GRM3: variants seen among roughly 807,000 people sequenced by gnomAD.
The protein encoded by GRM3 is glutamate metabotropic receptor 3.
In GRM3, 26 loss-of-function variants were observed where a neutral mutation model predicts 70.5. That is an observed-to-expected ratio of 0.37 (90% CI 0.27 to 0.51). The LOEUF (loss-of-function observed/expected upper bound fraction) is 0.51, where lower values mean the gene tolerates loss of function less well. Ranked by LOEUF, GRM3 falls within the 20% of genes least tolerant of loss-of-function variation. The pLI is 0.93. For missense variants in GRM3, 859 were observed against 1,123.8 expected (o/e 0.76, Z 3.37); for synonymous variants, 443 against 434.9 (o/e 1.02, Z -0.23).
intron 1 of GRM3, among the ~76,000 whole-genome samples, chr7:86,672,315 C>G (rs1172485066): frequency 6.6e-6 from 1 of 152,068 alleles, no homozygotes; most frequent in Non-Finnish European, 1.5e-5. Flanking sequence ...CAGATACTGC[C>G]TTGGCCCCTC....
chr7:86,832,540 T>C (rs2116718389), intron 3 of GRM3, among the ~76,000 whole-genome samples: 1 of 152,232 alleles, frequency 6.6e-6, no homozygotes, highest in South Asian at 2.1e-4. Flanking sequence ...AGTCAGCCAC[T>C]GCGCCCGGCC....
chr7:86,654,225 C>T (rs1209234226), intron 1 of GRM3, among the ~76,000 whole-genome samples: 4 of 152,098 alleles, frequency 2.6e-5, no homozygotes, highest in African/African-American at 4.8e-5. Context: ...GCTTTACCTC[C>T]CAGGGGTTTT....
At chr7:86,836,592 A>T (rs1247200301) in intron 3 of GRM3, among the ~76,000 whole-genome samples, 1 of 152,166 alleles carries the variant, frequency 6.6e-6, no homozygotes, top group African/African-American at 2.4e-5. Flanking sequence ...TGAGGTTTGG[A>T]TAAAGCAGTA....
intron 1 of GRM3, among the ~76,000 whole-genome samples, chr7:86,710,573 T>TG (rs1354868801): frequency 1.4e-4 from 1 of 7,248 alleles, no homozygotes; most frequent in Non-Finnish European, 2.9e-4. Context: ...TGGTGGGGGG[T>TG]GGGGGGAGGG....
chr7:86,834,384 A>G (rs961148973), intron 3 of GRM3, among the ~76,000 whole-genome samples: 2 of 151,872 alleles, frequency 1.3e-5, no homozygotes, highest in African/African-American at 2.4e-5. Flanking sequence ...AAACTTTGAG[A>G]TTTTTCTCAA....
intron 3 of GRM3, among the ~76,000 whole-genome samples, chr7:86,795,865 A>G (rs927002998): frequency 1.3e-5 from 2 of 152,202 alleles, no homozygotes; most frequent in African/African-American, 4.8e-5. Context: ...TCCCACCAAT[A>G]GTGTAAAAGC....
chr7:86,741,934 T>C (rs1382407516), intron 1 of GRM3, among the ~76,000 whole-genome samples: 2 of 152,194 alleles, frequency 1.3e-5, no homozygotes, highest in Non-Finnish European at 2.9e-5. Flanking sequence ...CAGTTATTTA[T>C]TGCTTAGTAA....
chr7:86,819,784 A>G (rs1798083554), intron 3 of GRM3, among the ~76,000 whole-genome samples: 1 of 152,182 alleles, frequency 6.6e-6, no homozygotes, highest in South Asian at 2.1e-4. Context: ...CCTAAATGGG[A>G]AAACAGTTGC....
chr7:86,830,860 A>G (rs941266695), intron 3 of GRM3, among the ~76,000 whole-genome samples: 1 of 152,200 alleles, frequency 6.6e-6, no homozygotes, highest in Non-Finnish European at 1.5e-5. Context: ...GCCCCAGTCC[A>G]ATATGGCTGG....
intron 4 of GRM3, among the ~76,000 whole-genome samples, chr7:86,845,634 C>T (rs1798640591): frequency 6.6e-6 from 1 of 152,122 alleles, no homozygotes; most frequent in South Asian, 2.1e-4. Context: ...AAATTTTAAT[C>T]TAGCCTTAAG....
chr7:86,773,861 C>T (rs1216783944), intron 2 of GRM3, among the ~76,000 whole-genome samples: 3 of 152,070 alleles, frequency 2.0e-5, no homozygotes, highest in East Asian at 3.9e-4. Flanking sequence ...ATTAATTCCC[C>T]TTCTGTCATG....
At chr7:86,804,917 G>A (rs1797756482) in intron 3 of GRM3, among the ~76,000 whole-genome samples, 1 of 152,124 alleles carries the variant, frequency 6.6e-6, no homozygotes, top group Non-Finnish European at 1.5e-5. Context: ...TTCAAGACCA[G>A]CCTAGGTAAT....
At chr7:86,740,752 C>G (rs1426320719) in intron 1 of GRM3, among the ~76,000 whole-genome samples, 1 of 141,080 alleles carries the variant, frequency 7.1e-6, no homozygotes, top group Non-Finnish European at 1.5e-5. Context: ...AAGACTAAAG[C>G]AGAAAGAGGC....
intron 3 of GRM3, among the ~76,000 whole-genome samples, chr7:86,834,731 G>T (rs1798421949): frequency 6.6e-6 from 1 of 151,630 alleles, no homozygotes; most frequent in African/African-American, 2.4e-5. Context: ...TATTACTTTA[G>T]AAGTGCTTAC....
chr7:86,698,392 T>C (rs1794874283), intron 1 of GRM3, among the ~76,000 whole-genome samples: 1 of 151,820 alleles, frequency 6.6e-6, no homozygotes, highest in Non-Finnish European at 1.5e-5. Flanking sequence ...CCTTTGGATG[T>C]TAATCTGACT....
intron 2 of GRM3, among the ~76,000 whole-genome samples, chr7:86,768,724 C>T (rs1329824859): frequency 3.9e-5 from 6 of 152,064 alleles, no homozygotes; most frequent in Non-Finnish European, 7.4e-5. Context: ...TAAGAAGGAA[C>T]AAGAGAGAAG....
chr7:86,645,545 G>C (rs1050394845), intron 1 of GRM3, among the ~76,000 whole-genome samples: 1 of 152,114 alleles, frequency 6.6e-6, no homozygotes, highest in Non-Finnish European at 1.5e-5. Flanking sequence ...GGAGATTTGC[G>C]ATCCAAAAAT....
chr7:86,785,685 A>ATTTTTTTTTTTTTTTTTTTTTTTTTTT lies in GRM3; in HGVS notation c.469-569_469-543dup, dbSNP rs749456155. Among the ~76,000 whole-genome samples the ATTTTTTTTTTTTTTTTTTTTTTTTTTT allele has an allele frequency of 1.1e-4, 7 of 65,234 alleles. 1 individual carries two copies. The highest frequency in any genetic ancestry group is 2.0e-4 in the Non-Finnish European group (7 of 34,858). The allele number at this position is 65,234 out of a possible 152,430, so 42.8% of individuals were successfully genotyped here. A position where few individuals can be genotyped will look rare whatever the true frequency, so the allele number is the denominator to read the frequency against. On this transcript the variant is annotated intron_variant, in intron 2 of 5. Coordinates refer to ENST00000361669, the MANE Select transcript of GRM3 (RefSeq NM_000840.3). The stretch of plus-strand genomic sequence containing the variant: ...TTGGGTGGTGGACTAAATAGAATTG[A>ATTTTTTTTTTTTTTTTTTTTTTTTTTT]TTTTTTTTTTTTTTTTTTTTTTTTT...
At chr7:86,728,876 T>C (rs1795654944) in intron 1 of GRM3, among the ~76,000 whole-genome samples, 1 of 152,172 alleles carries the variant, frequency 6.6e-6, no homozygotes, top group South Asian at 2.1e-4. Flanking sequence ...GGGCTTGTGG[T>C]GATACACAGG....
Sources: allele counts gnomAD v4.1 joint callset (sites outside exome capture counted in the v4.1 genomes callset), GRCh38; gene constraint gnomAD v4.1.1; transcripts MANE v1.5; gene names NCBI Gene and HGNC (gene_info 2026-07-23, HGNC 2026-07-21).